The following SNTG1 variants were observed in gnomAD, a reference collection of about 807,000 sequenced individuals.
SNTG1 encodes gamma-1-syntrophin.
SNTG1 carries 39 observed loss-of-function variants against 74.7 expected under a neutral mutation model. The ratio of observed to expected loss-of-function variants is 0.52; its 90% confidence interval spans 0.40 to 0.68. The LOEUF (loss-of-function observed/expected upper bound fraction) is 0.68, where lower values mean the gene tolerates loss of function less well. Among genes scored for constraint, SNTG1 ranks in the 30% least tolerant of loss-of-function variants. The pLI is 0.00. For missense variants in SNTG1, 685 were observed against 609.5 expected (o/e 1.12, Z -1.30); for synonymous variants, 254 against 217.1 (o/e 1.17, Z -1.49).
intron 2 of SNTG1, among the ~76,000 whole-genome samples, chr8:50,242,765 TATC>T (rs1355790546): frequency 6.7e-6 from 1 of 149,980 alleles, no homozygotes; most frequent in Non-Finnish European, 1.5e-5. Context: ...AATTATCTAT[TATC>T]ATATATTATC....
intron 10 of SNTG1, 111 bp from the exon 11 acceptor site, chr8:50,536,567 C>A (rs1030480117): frequency 4.5e-6 from 6 of 1,331,066 alleles, no homozygotes; most frequent in Middle Eastern, 2.3e-4. Context: ...CCATTAAAGT[C>A]TTTTGATCAT....
At chr8:49,912,748 T>C (rs1206677235) in intron 1 of SNTG1, among the ~76,000 whole-genome samples, 2 of 152,184 alleles carry the variant, frequency 1.3e-5, no homozygotes, top group Non-Finnish European at 1.5e-5. Flanking sequence ...CCTACACCTG[T>C]AGGATCTTAC....
chr8:50,478,764 G>A (rs936171797), intron 8 of SNTG1, among the ~76,000 whole-genome samples: 1 of 152,098 alleles, frequency 6.6e-6, no homozygotes, highest in African/African-American at 2.4e-5. Context: ...AAATGAGAAA[G>A]CAAATGGGTA....
At chr8:50,669,890 G>C (rs373555945) in intron 15 of SNTG1, among the ~76,000 whole-genome samples, 5 of 151,502 alleles carry the variant, frequency 3.3e-5, no homozygotes, top group African/African-American at 1.2e-4. Flanking sequence ...GTTCAATATA[G>C]GCAAATCAAT....
intron 3 of SNTG1, among the ~76,000 whole-genome samples, chr8:50,395,771 A>G (rs2131320052): frequency 6.6e-6 from 1 of 152,300 alleles, no homozygotes; most frequent in East Asian, 1.9e-4. Context: ...TCGGCCTCCC[A>G]AAGTGCTGGG....
intron 1 of SNTG1, among the ~76,000 whole-genome samples, chr8:50,112,790 T>G (rs2080651864): frequency 6.6e-6 from 1 of 152,170 alleles, no homozygotes; most frequent in African/African-American, 2.4e-5. Flanking sequence ...ATTACAGGCA[T>G]GAGCCACTGC....
At chr8:50,753,320 C>CA (rs2095572255) in intron 18 of SNTG1, among the ~76,000 whole-genome samples, 1 of 151,956 alleles carries the variant, frequency 6.6e-6, no homozygotes, top group Non-Finnish European at 1.5e-5. Context: ...TTACTCTTGT[C>CA]AAATTTTTTT....
At chr8:50,423,508 C>G (rs1358470635) in intron 4 of SNTG1, among the ~76,000 whole-genome samples, 1 of 152,184 alleles carries the variant, frequency 6.6e-6, no homozygotes, top group Non-Finnish European at 1.5e-5. Context: ...TAATTTTTAA[C>G]TCAAGTTAAC....
At chr8:50,743,450 C>G (rs530523652) in intron 17 of SNTG1, among the ~76,000 whole-genome samples, 1 of 151,522 alleles carries the variant, frequency 6.6e-6, no homozygotes, top group Admixed American at 6.6e-5. Context: ...CTTGTCAGAA[C>G]GCATCAACCT....
chr8:50,001,827 A>C (rs1479141356), intron 1 of SNTG1, among the ~76,000 whole-genome samples: 1 of 152,214 alleles, frequency 6.6e-6, no homozygotes. Flanking sequence ...TGGTTTGTAG[A>C]GTAATTCCAC....
intron 3 of SNTG1, among the ~76,000 whole-genome samples, chr8:50,396,470 G>A (rs2092730044): frequency 6.6e-6 from 1 of 152,178 alleles, no homozygotes; most frequent in Non-Finnish European, 1.5e-5. Flanking sequence ...AAGTAATCCA[G>A]GAATGGGAAC....
At chr8:50,049,584 T>C (rs944717782) in intron 1 of SNTG1, among the ~76,000 whole-genome samples, 2 of 152,020 alleles carry the variant, frequency 1.3e-5, no homozygotes, top group African/African-American at 4.8e-5. Flanking sequence ...AACAGATAGA[T>C]CCAGCAGGTA....
In SNTG1 at chr8:49,988,298, T is replaced by A. The variant is rs554425415; in HGVS notation, c.-103+76067T>A. On this transcript the variant is annotated intron_variant, in intron 1 of 18. Transcript: ENST00000642720. ...ACAAACAGAAACTGTGTCCCATACA[T>A]ATGAAATAAACCAAGTTACAGTAAC... Among the ~76,000 whole-genome samples the A allele has an allele frequency of 1.3e-5, 2 of 152,194 alleles. 1 individual carries two copies. Among genetic ancestry groups the A allele is most frequent in the South Asian group, 4.1e-4 (2 of 4,820 alleles).
intron 13 of SNTG1, among the ~76,000 whole-genome samples, chr8:50,632,412 A>G (rs113611968): frequency 0.043 from 6,552 of 151,846 alleles, 248 homozygotes; most frequent in African/African-American, 0.095. Context: ...CTGGGTTTAA[A>G]TGAACCGTAT....
chr8:50,762,670 C>A (rs2095602361), intron 18 of SNTG1: 1 of 464,772 alleles, frequency 2.2e-6, no homozygotes, highest in Non-Finnish European at 4.3e-6. Flanking sequence ...ATCCAACAGC[C>A]TGACCTGTCT....
At chr8:50,577,439 T>G (rs986608694) in intron 12 of SNTG1, among the ~76,000 whole-genome samples, 4 of 151,552 alleles carry the variant, frequency 2.6e-5, no homozygotes, top group African/African-American at 9.7e-5. Flanking sequence ...TAAATAATAT[T>G]GGTCCATAGT....
At chr8:50,598,664 G>A (rs1327771303) in intron 13 of SNTG1, among the ~76,000 whole-genome samples, 1 of 151,896 alleles carries the variant, frequency 6.6e-6, no homozygotes, top group Admixed American at 6.6e-5. Flanking sequence ...GATGGCTTTG[G>A]TTAATATTGA....
chr8:50,289,471 A>C, intron 2 of SNTG1, among the ~76,000 whole-genome samples: 1 of 152,186 alleles, frequency 6.6e-6, no homozygotes, highest in South Asian at 2.1e-4. Flanking sequence ...CTTATACCTT[A>C]GTTATAGTGA....
At chr8:50,216,733 A>ACC (rs2084808488) in intron 2 of SNTG1, among the ~76,000 whole-genome samples, 1 of 152,116 alleles carries the variant, frequency 6.6e-6, no homozygotes, top group South Asian at 2.1e-4. Flanking sequence ...TAAAATTCTT[A>ACC]ATGTCTGAGA....
Sources: gnomAD v4.1 joint callset for allele counts (sites outside exome capture counted in the v4.1 genomes callset) on GRCh38, gnomAD v4.1.1 for gene constraint, MANE v1.5 for transcripts, NCBI Gene and HGNC (gene_info 2026-07-23, HGNC 2026-07-21) for gene names.